The following ITFG2 variants were observed in gnomAD, a reference collection of about 807,000 sequenced individuals.
ITFG2 encodes the protein KICSTOR complex protein ITFG2.
ITFG2 carries 36 observed loss-of-function variants against 54.4 expected under a neutral mutation model. That is an observed-to-expected ratio of 0.66 (90% CI 0.51 to 0.87). ITFG2 has a LOEUF of 0.87. Among genes scored for constraint, ITFG2 ranks in the 40% least tolerant of loss-of-function variants. ITFG2 has a pLI of 0.00. For missense variants in ITFG2, 524 were observed against 576.7 expected (o/e 0.91, Z 0.94); for synonymous variants, 211 against 225.4 (o/e 0.94, Z 0.57).
intron 4 of ITFG2, chr12:2,818,617 C>A (rs2097930049): frequency 2.6e-6 from 1 of 380,036 alleles, no homozygotes; most frequent in Admixed American, 3.8e-5. Context: ...GAGCTATGAT[C>A]TCACCACTGC....
Position 2,822,897 on chromosome 12 carries a change from G to A in ITFG2, c.1052G>A (p.Arg351His), listed in dbSNP as rs541014037. 12 of 1,613,924 alleles carry A rather than the reference G, an allele frequency of 7.4e-6. No individual in the cohort carries two copies. Among genetic ancestry groups the A allele is most frequent in the South Asian group, 5.5e-5 (5 of 91,080 alleles). ...VVRFQVDENI[R>H]AFCAGLYACK... is the part of the protein sequence containing the mutation. ...CGCTTCCAAGTGGATGAAAATATCC[G>A]TGCCTTCTGTGCAGGTGACCCCCGC... Residue 351 changes from arginine to histidine, a missense_variant, in exon 10 of 12, where the codon CGT (arginine) becomes CAT (histidine). Coordinates refer to ENST00000228799, the MANE Select transcript of ITFG2 (RefSeq NM_018463.4).
chr12:2,828,765 C>G (rs2097983907), downstream of ITFG2, among the ~76,000 whole-genome samples: 1 of 152,098 alleles, frequency 6.6e-6, no homozygotes, highest in South Asian at 2.1e-4. Context: ...TCGCTTGAAC[C>G]CGAGAGGCGG....
rs115847900 is a variant in ITFG2, at chr12:2,817,762, A to C, written c.193-147A>C. 3,338 of 728,458 alleles carry C rather than the reference A, an allele frequency of 4.6e-3. 81 individuals are homozygous for C. The African/African-American group carries it at 0.053, about 12-fold the overall frequency. The allele number at this position is 728,458 out of a possible 1,614,324, so 45.1% of individuals were successfully genotyped here. On this transcript the variant is annotated intron_variant, in intron 2 of 11. Transcript: ENST00000228799. Reference sequence around the variant, plus strand: ...AAACCTACAGCACAGTAACGCCGTTAATAAAGACCATCACCATGGTTCATA... The same window carrying C: ...AAACCTACAGCACAGTAACGCCGTTCATAAAGACCATCACCATGGTTCATA...
At chr12:2,823,990 G>T (rs1024943283) in intron 11 of ITFG2, 47 bp downstream of exon 11, 1 of 1,612,360 alleles carries the variant, frequency 6.2e-7, no homozygotes, top group South Asian at 1.1e-5. Context: ...GAGACCCACA[G>T]CATGCTGCAG....
intron 5 of ITFG2, 113 bp downstream of exon 5, chr12:2,820,338 G>A (rs1332657259): frequency 7.7e-7 from 1 of 1,295,728 alleles, no homozygotes; most frequent in African/African-American, 1.5e-5. Context: ...GAAGTGAAAA[G>A]TCACCTTGTC....
At chr12:2,841,678 C>A (rs1346038951) in intron 2 of ITFG2, among the ~76,000 whole-genome samples, 2 of 152,038 alleles carry the variant, frequency 1.3e-5, no homozygotes, top group African/African-American at 4.8e-5. Flanking sequence ...TGTGAAACAT[C>A]TCATGAATTA....
At position 2,855,286 on chromosome 12, in the gene ITFG2, C is replaced by T. The variant is rs996844095; in HGVS notation, n.301-2726C>T. 166 of 1,520,496 alleles carry T rather than the reference C, an allele frequency of 1.1e-4. No individual in the cohort carries two copies. The African/African-American group carries it at 1.6e-3, about 15-fold the overall frequency. 94.2% of individuals were successfully genotyped at this position (1,520,496 alleles called of 1,614,324 possible). A position where few individuals can be genotyped will look rare whatever the true frequency, so the allele number is the denominator to read the frequency against. On this transcript the variant is annotated intron_variant and non_coding_transcript_variant, in intron 2 of 3. Transcript: ENST00000537710. Reference sequence around the variant, plus strand: ...CTTCCAAGGGTGGATGAGCCGCTGACGCACCTTGGACTTCATATCTGTGCA... The same window carrying T: ...CTTCCAAGGGTGGATGAGCCGCTGATGCACCTTGGACTTCATATCTGTGCA...
At chr12:2,849,614 G>T (rs904038986) in intron 2 of ITFG2, 16 of 1,416,058 alleles carry the variant, frequency 1.1e-5, no homozygotes, top group African/African-American at 2.8e-5. Flanking sequence ...GGGTGATGCC[G>T]CTGTCCACAA....
chr12:2,822,542 G>C (rs563105718), intron 9 of ITFG2, among the ~76,000 whole-genome samples: 1 of 152,168 alleles, frequency 6.6e-6, no homozygotes, highest in Admixed American at 6.5e-5. Context: ...GCAGACCTGG[G>C]TTTGAATCCT....
chr12:2,815,969 A>G (rs2097920399), intron 1 of ITFG2, among the ~76,000 whole-genome samples: 1 of 151,372 alleles, frequency 6.6e-6, no homozygotes, highest in Admixed American at 6.6e-5. Context: ...AGCTCAAGTG[A>G]TCCTCCTTCC....
chr12:2,820,194 T>A lies in ITFG2; in HGVS notation c.515T>A (p.Val172Glu), dbSNP rs1352244696. 1 of 1,612,114 alleles carries A rather than the reference T, an allele frequency of 6.2e-7. No homozygotes were observed. Among genetic ancestry groups the A allele is most frequent in the Non-Finnish European group, 8.5e-7 (1 of 1,179,018 alleles). Residue 172 changes from valine to glutamate, a missense_variant, in exon 5 of 12, where the codon GTG becomes GAG. By Grantham distance (121) the Val-to-Glu change is moderately radical. Transcript: ENST00000228799. ...CCTGAACATCTGACAGGGCAGCTGG[T>A]GTCCCTCAAGAAATGGATGCTGGAG... is the stretch of plus-strand genomic sequence containing the variant. Reference protein sequence around the residue: ...EGPEHLTGQLVSLKKWMLEGQ... With the variant: ...EGPEHLTGQLESLKKWMLEGQ...
In ITFG2 at chr12:2,824,571, G is replaced by A; in HGVS notation, c.*378G>A. 1 of 288,548 alleles carries A rather than the reference G, an allele frequency of 3.5e-6. No individual in the cohort carries two copies. The highest frequency in any genetic ancestry group is 3.4e-5 in the South Asian group (1 of 29,108). The allele number at this position is 288,548 out of a possible 1,614,324, so 17.9% of individuals were successfully genotyped here. A position where few individuals can be genotyped will look rare whatever the true frequency, so the allele number is the denominator to read the frequency against. ...GAAACCAGGCTTTAGGCCCAGGGGA[G>A]CAGTGGAGGTAAGGGCTCCACCCCA... On this transcript the variant is annotated 3_prime_UTR_variant, in exon 12 of 12. Transcript: ENST00000228799.
chr12:2,820,690 C>CTCCG, intron 5 of ITFG2, 34 bp from the exon 6 acceptor site: 1 of 1,369,986 alleles, frequency 7.3e-7, no homozygotes, highest in Non-Finnish European at 9.8e-7. Flanking sequence ...TTCCTTCTCT[C>CTCCG]TCCGTCTCCC....
chr12:2,858,928 G>A (rs189481330), intron 3 of ITFG2: 3 of 1,613,750 alleles, frequency 1.9e-6, no homozygotes, highest in Middle Eastern at 1.6e-4. Context: ...TCAAGGGGGG[G>A]AGCACTTTGC....
intron 1 of ITFG2, among the ~76,000 whole-genome samples, chr12:2,815,276 A>T (rs768481757): frequency 2.6e-5 from 4 of 152,164 alleles, no homozygotes; most frequent in Non-Finnish European, 5.9e-5. Context: ...CAGGAAGGGG[A>T]TGTTGGCTGT....
intron 1 of ITFG2, among the ~76,000 whole-genome samples, chr12:2,813,200 C>G (rs1353199238): frequency 6.6e-6 from 1 of 152,200 alleles, no homozygotes; most frequent in Non-Finnish European, 1.5e-5. Context: ...CCACGCCCGA[C>G]TAATTTTTGT....
upstream of ITFG2, among the ~76,000 whole-genome samples, chr12:2,835,315 G>T (rs557286101): frequency 6.6e-6 from 1 of 152,152 alleles, no homozygotes; most frequent in Non-Finnish European, 1.5e-5. Flanking sequence ...ACCTCCCAGC[G>T]TGTGTGGCCC....
downstream of ITFG2, among the ~76,000 whole-genome samples, chr12:2,831,220 T>A (rs2098001039): frequency 6.6e-6 from 1 of 151,718 alleles, no homozygotes; most frequent in African/African-American, 2.4e-5. Flanking sequence ...TTTTTTTTCT[T>A]CCCCTCTGAC....
chr12:2,820,365 C>T (rs2097939288), intron 5 of ITFG2, 140 bp downstream of exon 5: 2 of 1,095,094 alleles, frequency 1.8e-6, no homozygotes, highest in Non-Finnish European at 2.6e-6. Flanking sequence ...GATCCAAAGA[C>T]CATTTCAAAT....
Sources: allele counts gnomAD v4.1 joint callset (sites outside exome capture counted in the v4.1 genomes callset), GRCh38; gene constraint gnomAD v4.1.1; transcripts MANE v1.5; gene names NCBI Gene and HGNC (gene_info 2026-07-23, HGNC 2026-07-21).